The following CHD6 variants were observed in gnomAD, a reference collection of about 807,000 sequenced individuals.
CHD6 encodes ATP-dependent chromatin remodeler CHD6.
A neutral mutation model predicts 276.9 loss-of-function variants in CHD6; 50 were observed. The ratio of observed to expected loss-of-function variants is 0.18; its 90% CI spans 0.14 to 0.23. The LOEUF (loss-of-function observed/expected upper bound fraction) is 0.23. Among genes scored for constraint, CHD6 ranks in the 10% least tolerant of loss-of-function variants. The probability of loss-of-function intolerance (pLI) is 1.00; values close to 1 mark genes in which losing one functional copy is unlikely to be tolerated. For synonymous variants in CHD6, 1,173 were observed against 1,229.3 expected, an observed-to-expected ratio of 0.95 and a Z score of 0.96; for missense variants, 2,564 against 3,365.8, an observed-to-expected ratio of 0.76 and a Z score of 5.89.
At chr20:41,611,246 A>T (rs1191014065) in intron 1 of CHD6, among the ~76,000 whole-genome samples, 1 of 152,230 alleles carries the variant, frequency 6.6e-6, no homozygotes, top group Non-Finnish European at 1.5e-5. Flanking sequence ...TCCTTCACAG[A>T]CACAGAAAAA....
chr20:41,475,976 G>A (rs182680018), intron 16 of CHD6, among the ~76,000 whole-genome samples: 22 of 152,188 alleles, frequency 1.4e-4, no homozygotes, highest in African/African-American at 5.3e-4. Context: ...TTAGTTTTGA[G>A]GGAGTGCTCT....
chr20:41,517,738 G>A (rs566004203), intron 3 of CHD6, among the ~76,000 whole-genome samples: 2 of 152,240 alleles, frequency 1.3e-5, no homozygotes, highest in East Asian at 3.9e-4. Flanking sequence ...TCCCATGAGG[G>A]AGCCAGGACA....
chr20:41,458,859 G>A (rs1250682923), intron 17 of CHD6, among the ~76,000 whole-genome samples: 4 of 152,112 alleles, frequency 2.6e-5, no homozygotes, highest in Non-Finnish European at 5.9e-5. Flanking sequence ...TGCCATGTGA[G>A]TGAGCCCTGC....
At chr20:41,515,434 T>A (rs2044227246) in intron 3 of CHD6, among the ~76,000 whole-genome samples, 1 of 152,166 alleles carries the variant, frequency 6.6e-6, no homozygotes, top group South Asian at 2.1e-4. Context: ...CTTACAATTA[T>A]GAAAATCCTA....
intron 1 of CHD6, among the ~76,000 whole-genome samples, chr20:41,562,603 T>C (rs2045313388): frequency 6.6e-6 from 1 of 152,110 alleles, no homozygotes; most frequent in Non-Finnish European, 1.5e-5. Flanking sequence ...CTTTTGTGTA[T>C]AAGTCAGGCA....
At chr20:41,594,915 G>C (rs867426540) in intron 1 of CHD6, among the ~76,000 whole-genome samples, 10 of 152,214 alleles carry the variant, frequency 6.6e-5, no homozygotes, top group African/African-American at 2.4e-4. Context: ...CTTGTGATCG[G>C]ACAGGTGCAG....
chr20:41,457,441 A>G lies in CHD6; in HGVS notation c.2665-13T>C, dbSNP rs1418754961. ...ATCGGGCCTGAGCCTGGGAAGAAGA[A>G]GAGTCATATGCATCACGTCACCGTA... On this transcript the variant is annotated splice_polypyrimidine_tract_variant and intron_variant, in intron 17 of 36. Coordinates refer to ENST00000373233, the MANE Select transcript of CHD6 (RefSeq NM_032221.5). The G allele has an allele frequency of 1.8e-5, 29 of 1,605,760 alleles. No individual in the cohort carries two copies. The South Asian group carries it at 2.0e-4, about 11-fold the overall frequency.
At chr20:41,425,153 T>C (rs201473180) in intron 29 of CHD6, 25 bp downstream of exon 29, 4 of 1,599,210 alleles carry the variant, frequency 2.5e-6, no homozygotes, top group East Asian at 4.5e-5. Flanking sequence ...TGGCTGAGCA[T>C]GCCCCTTTGG....
intron 23 of CHD6, 54 bp downstream of exon 23, chr20:41,450,891 AT>A: frequency 6.5e-7 from 1 of 1,530,064 alleles, no homozygotes; most frequent in South Asian, 1.2e-5. Flanking sequence ...GTTCCCAGGA[AT>A]CGAAGCAGTC....
At chr20:41,594,978 C>T (rs1227626420) in intron 1 of CHD6, among the ~76,000 whole-genome samples, 1 of 152,198 alleles carries the variant, frequency 6.6e-6, no homozygotes, top group African/African-American at 2.4e-5. Flanking sequence ...TTTCTAAGTG[C>T]TGGTTTTTCT....
chr20:41,431,823 A>G (rs1211995941), intron 27 of CHD6, among the ~76,000 whole-genome samples: 1 of 139,600 alleles, frequency 7.2e-6, no homozygotes, highest in Non-Finnish European at 1.5e-5. Context: ...GAGGTAAAGA[A>G]GCGGGCTACC....
At position 41,455,858 on chromosome 20, in the gene CHD6, T is replaced by C. The variant is rs199618744; in HGVS notation, c.2951A>G (p.Gln984Arg). The change falls in exon 19 of 37, where the codon CAG (glutamine) becomes CGG (arginine). Residue 984 changes from glutamine (Q) to arginine (R), a missense_variant. By Grantham distance (43) the Gln-to-Arg change is conservative. Around this residue, in one of 7 missense-constraint regions of CHD6, gnomAD observed 19 missense variants for 74.7 expected, o/e 0.25. Transcript: ENST00000373233. ...GATGGTGATGGTGTGCGTTCGCCTC[T>C]GCAGAATCTGGTCTATGTCTTCTTC... Reference protein sequence around the residue: ...FCEEDIDQILQRRTHTITIQS... With the variant: ...FCEEDIDQILRRRTHTITIQS... The C allele has an allele frequency of 5.0e-6, 8 of 1,612,776 alleles. No homozygotes were observed. Among genetic ancestry groups the C allele is most frequent in the Non-Finnish European group, 6.8e-6 (8 of 1,179,490 alleles).
At chr20:41,488,639 C>T in intron 12 of CHD6, 35 bp from the exon 13 acceptor site, 1 of 1,588,950 alleles carries the variant, frequency 6.3e-7, no homozygotes. Flanking sequence ...AAGCTTTACA[C>T]CATGGCTATA....
intron 17 of CHD6, among the ~76,000 whole-genome samples, chr20:41,464,005 G>GAT (rs993991880): frequency 6.6e-6 from 1 of 152,132 alleles, no homozygotes; most frequent in Admixed American, 6.5e-5. Context: ...CTCAGAGAAA[G>GAT]AAAGGGACAG....
At position 41,413,331 on chromosome 20, in the gene CHD6, A is replaced by C. The variant is rs1404499337; in HGVS notation, c.7124T>G (p.Phe2375Cys). The C allele has an allele frequency of 1.3e-6, 2 of 1,599,878 alleles. No individual in the cohort carries two copies. The highest frequency in any genetic ancestry group is 2.2e-5 in the South Asian group (2 of 89,088). Residue 2375 changes from phenylalanine (F) to cysteine (C), a missense_variant, in exon 35 of 37, where the codon TTT (phenylalanine) becomes TGT (cysteine). This residue lies in a region of CHD6 where 1,024 missense variants were observed against 1,047.9 expected (regional missense o/e 0.98). Transcript: ENST00000373233. ...QADYSLEVPGFGANFSDKPKQ... is the reference protein window; with the variant it reads ...QADYSLEVPGCGANFSDKPKQ... ...GTACCAACAAACACTTACTGCCCCA[A>C]AGCCAGGAACTTCTAAGGAGTAGTC...
chr20:41,451,828 G>C lies in CHD6; in HGVS notation c.3521C>G (p.Ser1174Ter). Reference protein sequence around the residue: ...DGQAQTLQNHSGLSAPVPRGR... With the variant: ...DGQAQTLQNH ...GGCATGGCCCTGCCACCTCTCACCT[G>C]AGTGGTTCTGGAGGGTCTGGGCTTG... is the stretch of plus-strand genomic sequence containing the variant. Residue 1174 changes from serine to a stop codon, truncating the protein, a stop_gained and splice_region_variant, in exon 22 of 37, where the codon TCA becomes TGA. Transcript: ENST00000373233. LOFTEE classifies it high-confidence loss of function. 1 of 1,614,088 alleles carries C rather than the reference G, an allele frequency of 6.2e-7. No individual in the cohort carries two copies. Among genetic ancestry groups the C allele is most frequent in the Non-Finnish European group, 8.5e-7 (1 of 1,179,920 alleles).
At chr20:41,443,022 T>A (rs1419395744) in intron 25 of CHD6, among the ~76,000 whole-genome samples, 2 of 152,380 alleles carry the variant, frequency 1.3e-5, no homozygotes, top group East Asian at 3.9e-4. Context: ...AAACTCATCC[T>A]GTACAATGAG....
intron 14 of CHD6, among the ~76,000 whole-genome samples, chr20:41,484,879 T>C (rs531585792): frequency 6.6e-5 from 10 of 152,286 alleles, no homozygotes; most frequent in Admixed American, 4.6e-4. Context: ...GAGTACCTAT[T>C]CTCTAGGATG....
chr20:41,516,225 G>A (rs1413506595), intron 3 of CHD6, among the ~76,000 whole-genome samples: 1 of 151,838 alleles, frequency 6.6e-6, no homozygotes, highest in Non-Finnish European at 1.5e-5. Flanking sequence ...GTGCAGTGGC[G>A]TGATCTTGGC....
Sources: gnomAD v4.1 joint callset for allele counts (sites outside exome capture counted in the v4.1 genomes callset) on GRCh38, gnomAD v4.1.1 for gene constraint, gnomAD v4.1.1 regional missense constraint, MANE v1.5 for transcripts, NCBI Gene and HGNC (gene_info 2026-07-23, HGNC 2026-07-21) for gene names.